The following CCDC85C variants were observed in gnomAD, a reference collection of about 807,000 sequenced individuals.
CCDC85C encodes the protein coiled-coil domain-containing protein 85C.
A neutral mutation model predicts 38.3 loss-of-function variants in CCDC85C; 18 were observed. The observed-to-expected ratio is 0.47, with a 90% CI of 0.33 to 0.70. CCDC85C has a LOEUF of 0.70. Among genes scored for constraint, CCDC85C ranks in the 30% least tolerant of loss-of-function variants. The probability of loss-of-function intolerance (pLI) is 0.03; values close to 1 mark genes in which losing one functional copy is unlikely to be tolerated. For missense variants in CCDC85C, 566 were observed against 621.2 expected (o/e 0.91, Z 0.94); for synonymous variants, 264 against 293.8 (o/e 0.90, Z 1.04).
intron 1 of CCDC85C, among the ~76,000 whole-genome samples, chr14:99,564,581 C>G (rs1389826361): frequency 6.6e-6 from 1 of 152,232 alleles, no homozygotes; most frequent in Non-Finnish European, 1.5e-5. Flanking sequence ...TCTCTACCAC[C>G]TGACTCTGAG....
intron 4 of CCDC85C, 38 bp downstream of exon 4, chr14:99,517,050 A>T: frequency 6.6e-7 from 1 of 1,526,340 alleles, no homozygotes; most frequent in South Asian, 1.2e-5. Flanking sequence ...TGCACCCAGC[A>T]TCTGAGGACT....
chr14:99,507,257 G>A lies in CCDC85C; in HGVS notation c.*7989C>T. 6.5e-6 allele frequency: 5 copies of A among 767,378 alleles called. No homozygotes were observed. The Admixed American group carries it at 8.9e-5, about 14-fold the overall frequency. The allele number at this position is 767,378 out of a possible 1,614,324, so 47.5% of individuals were successfully genotyped here. ...GGAGACTGGGGCCCAGATTGACAAT[G>A]TCAGCCACAGGCAGGAATCTTTGCA... On this transcript the variant is annotated 3_prime_UTR_variant, in exon 6 of 6. Transcript: ENST00000380243.
chr14:99,593,829 C>T lies in CCDC85C; in HGVS notation c.793+9338G>A, dbSNP rs577754895. Among the ~76,000 whole-genome samples the T allele has an allele frequency of 1.4e-3, 215 of 152,378 alleles. 1 individual carries two copies. Among genetic ancestry groups the T allele is most frequent in the African/African-American group, 4.7e-3 (195 of 41,592 alleles). ...CAGCCTCCAATGACACCAGGACCAACTGCACCCATCTCTGGGGCTGGGCAC... is the reference window on the plus strand; with the variant it reads ...CAGCCTCCAATGACACCAGGACCAATTGCACCCATCTCTGGGGCTGGGCAC... On this transcript the variant is annotated intron_variant, in intron 1 of 5. Transcript: ENST00000380243.
At chr14:99,527,327 A>G (rs950633112) in intron 2 of CCDC85C, among the ~76,000 whole-genome samples, 2 of 152,162 alleles carry the variant, frequency 1.3e-5, no homozygotes, top group Non-Finnish European at 2.9e-5. Flanking sequence ...AATGGGGGTG[A>G]TGCCCCCAGA....
At chr14:99,546,730 C>T (rs879797941) in intron 1 of CCDC85C, among the ~76,000 whole-genome samples, 15 of 152,074 alleles carry the variant, frequency 9.9e-5, no homozygotes, top group Admixed American at 3.9e-4. Context: ...TGTGTGGCCA[C>T]GGTGCCGGCG....
In CCDC85C at chr14:99,520,102, G is replaced by T. The variant is rs1897281800; in HGVS notation, c.975+2031C>A. Among the ~76,000 whole-genome samples, 2 of 152,196 alleles carry T rather than the reference G, an allele frequency of 1.3e-5. No homozygotes were observed. The highest frequency in any genetic ancestry group is 6.5e-5 in the Admixed American group (1 of 15,292). ...ATGGGCAGCAGTGGGCAGGGAGGGGGTGTCCACCCCAGAGAGTCACCTGCT... is the reference window on the plus strand; with the variant it reads ...ATGGGCAGCAGTGGGCAGGGAGGGGTTGTCCACCCCAGAGAGTCACCTGCT... On this transcript the variant is annotated intron_variant, in intron 3 of 5. Transcript: ENST00000380243. The surrounding 1 kb of genome is among the most constrained non-coding windows in gnomAD (Gnocchi z 4.1).
chr14:99,572,841 C>A lies in CCDC85C; in HGVS notation c.793+30326G>T, dbSNP rs1351620853. 3 of 455,958 alleles carry A rather than the reference C, an allele frequency of 6.6e-6. No homozygotes were observed. Among genetic ancestry groups the A allele is most frequent in the African/African-American group, 4.0e-5 (2 of 50,060 alleles). 28.2% of individuals were successfully genotyped at this position (455,958 alleles called of 1,614,324 possible). On this transcript the variant is annotated intron_variant, in intron 1 of 5. Coordinates refer to ENST00000380243, the MANE Select transcript of CCDC85C (RefSeq NM_001144995.2). This position sits in a 1 kb window ranked among gnomAD's most constrained non-coding sequence, Gnocchi z 4.4. The stretch of plus-strand genomic sequence containing the variant: ...GAGCATGGAAACGGGGCCTGGTGTG[C>A]AACAGGTGCTCAGTAAACGGCTAAG...
intron 1 of CCDC85C, among the ~76,000 whole-genome samples, chr14:99,560,593 G>A (rs1439429253): frequency 2.0e-5 from 3 of 152,234 alleles, no homozygotes; most frequent in African/African-American, 7.2e-5. Flanking sequence ...GGAAGGGGCT[G>A]CGCAGGCTCT....
Position 99,603,704 on chromosome 14 carries a change from C to T in CCDC85C, c.256G>A (p.Glu86Lys). ...RLQDDNQELR[E>K]LCCFLDDDRQ... ...TCGTCGTCGAGGAAGCAGCAGAGCT[C>T]GCGCAGCTCCTGGTTGTCGTCCTGC... The change falls in exon 1 of 6, where the codon GAG (glutamate) becomes AAG (lysine). Residue 86 changes from glutamate to lysine, a missense_variant. Glu to Lys is a moderately conservative substitution (Grantham distance 56). Transcript: ENST00000380243. The surrounding 1 kb of genome is among the most constrained non-coding windows in gnomAD (Gnocchi z 7.5). The T allele has an allele frequency of 2.0e-6, 3 of 1,514,248 alleles. No individual in the cohort carries two copies. Among genetic ancestry groups the T allele is most frequent in the Non-Finnish European group, 2.6e-6 (3 of 1,136,010 alleles). The allele number at this position is 1,514,248 out of a possible 1,614,324, so 93.8% of individuals were successfully genotyped here.
intron 1 of CCDC85C, among the ~76,000 whole-genome samples, chr14:99,555,340 A>AC (rs60193297): frequency 0.13 from 20,305 of 152,064 alleles, 1,680 homozygotes; most frequent in Non-Finnish European, 0.18. Context: ...TGACCTTGGG[A>AC]CTCTAGGGTG....
Position 99,506,268 on chromosome 14 carries a change from A to G in CCDC85C, c.*8978T>C, listed in dbSNP as rs1232426572. ...GAGGAGACTCAGATCTGAGTGGTGT[A>G]CAAGCCAGAAGAAAGTACATTTCAG... On this transcript the variant is annotated 3_prime_UTR_variant, in exon 6 of 6. Coordinates refer to ENST00000380243, the MANE Select transcript of CCDC85C (RefSeq NM_001144995.2). 1 of 152,296 alleles carries G rather than the reference A, an allele frequency of 6.6e-6. No individual in the cohort carries two copies. The highest frequency in any genetic ancestry group is 6.5e-5 in the Admixed American group (1 of 15,276). 9.4% of individuals were successfully genotyped at this position (152,296 alleles called of 1,614,324 possible).
In CCDC85C at chr14:99,531,444, T is replaced by G. The variant is rs181107918; in HGVS notation, c.867+4571A>C. Among the ~76,000 whole-genome samples the G allele has an allele frequency of 4.6e-5, 7 of 152,202 alleles. No individual in the cohort carries two copies. The East Asian group carries it at 1.4e-3, about 29-fold the overall frequency. The stretch of plus-strand genomic sequence containing the variant: ...CACGGAGTCTTGAGATGAATCATCG[T>G]GGAGGAAGCAGCTGTGTTGATGAAA... On this transcript the variant is annotated intron_variant, in intron 2 of 5. Transcript: ENST00000380243.
At chr14:99,573,334 T>C (rs1383001713) in intron 1 of CCDC85C, among the ~76,000 whole-genome samples, 1 of 152,164 alleles carries the variant, frequency 6.6e-6, no homozygotes, top group East Asian at 1.9e-4. Context: ...GCTCATCAGT[T>C]TCAGAAGCTG....
At chr14:99,525,604 G>A (rs528423510) in intron 2 of CCDC85C, among the ~76,000 whole-genome samples, 94 of 152,380 alleles carry the variant, frequency 6.2e-4, no homozygotes, top group Non-Finnish European at 1.1e-3. Context: ...CAAACAGAGC[G>A]CCTCCTGTGT....
At chr14:99,584,807 T>C (rs1382350689) in intron 1 of CCDC85C, among the ~76,000 whole-genome samples, 5 of 152,210 alleles carry the variant, frequency 3.3e-5, no homozygotes, top group Non-Finnish European at 5.9e-5. Flanking sequence ...AAGAACTGCC[T>C]TGGGGCTGGG....
Position 99,548,841 on chromosome 14 carries a change from C to A in CCDC85C, c.794-12753G>T, listed in dbSNP as rs533511953. Among the ~76,000 whole-genome samples, 6 of 152,210 alleles carry A rather than the reference C, an allele frequency of 3.9e-5. No individual in the cohort carries two copies. Among genetic ancestry groups the A allele is most frequent in the African/African-American group, 1.4e-4 (6 of 41,534 alleles). ...AACAAAAACAAAACAAAAAGATGAA[C>A]CAAATACATCTCAAAAACATGAAGA... is the stretch of plus-strand genomic sequence containing the variant. On this transcript the variant is annotated intron_variant, in intron 1 of 5. Coordinates refer to ENST00000380243, the MANE Select transcript of CCDC85C (RefSeq NM_001144995.2). The surrounding 1 kb of genome is among the most constrained non-coding windows in gnomAD (Gnocchi z 4.9).
chr14:99,560,911 C>A (rs528482607), intron 1 of CCDC85C, among the ~76,000 whole-genome samples: 11 of 152,332 alleles, frequency 7.2e-5, no homozygotes, highest in Admixed American at 3.3e-4. Context: ...GAGAACAGGG[C>A]TCCCACAAGG....
rs974585325 is a variant in CCDC85C at position 99,520,675 on chromosome 14, C to T, written c.975+1458G>A. 3.3e-5 allele frequency among the ~76,000 whole-genome samples: 5 copies of T among 152,132 alleles called. No homozygotes were observed. The highest frequency in any genetic ancestry group is 7.4e-5 in the Non-Finnish European group (5 of 68,016). ...CCGGCCTCCTGGCCTCATGGAGGAGCGACCCCTGCACAGCCCCCACGCTGG... is the reference window on the plus strand; with the variant it reads ...CCGGCCTCCTGGCCTCATGGAGGAGTGACCCCTGCACAGCCCCCACGCTGG... On this transcript the variant is annotated intron_variant, in intron 3 of 5. Transcript: ENST00000380243. This position sits in a 1 kb window ranked among gnomAD's most constrained non-coding sequence, Gnocchi z 4.1.
chr14:99,586,532 A>C (rs2055027646), intron 1 of CCDC85C, among the ~76,000 whole-genome samples: 1 of 152,158 alleles, frequency 6.6e-6, no homozygotes, highest in Non-Finnish European at 1.5e-5. Context: ...GATAGGGTGC[A>C]TGTGACATGC....
Sources: allele counts gnomAD v4.1 joint callset (sites outside exome capture counted in the v4.1 genomes callset), GRCh38; gene constraint gnomAD v4.1.1; non-coding constraint Gnocchi (gnomAD v3.1); transcripts MANE v1.5; gene names NCBI Gene and HGNC (gene_info 2026-07-23, HGNC 2026-07-21).